SLC15A5: variants seen among roughly 807,000 people sequenced by gnomAD.
SLC15A5 encodes the protein Peptide/histidine transporter ENSP00000340402.
In SLC15A5, 58 loss-of-function variants were observed where a neutral mutation model predicts 56.1. The observed-to-expected ratio is 1.03, with a 90% CI of 0.84 to 1.29. SLC15A5 has a LOEUF of 1.29. Ranked by LOEUF, SLC15A5 falls within the 50% of genes most tolerant of loss-of-function variation. The pLI, the probability that SLC15A5 is intolerant of heterozygous loss-of-function variation, is 0.00. For synonymous variants in SLC15A5, 264 were observed against 250.5 expected (o/e 1.05, Z -0.51); for missense variants, 681 against 672.1 (o/e 1.01, Z -0.15).
intron 6 of SLC15A5, among the ~76,000 whole-genome samples, chr12:16,223,847 G>T (rs1864212626): frequency 6.6e-6 from 1 of 151,640 alleles, no homozygotes; most frequent in African/African-American, 2.4e-5. Context: ...TCCTTGAGTA[G>T]CTGGGACTAC....
chr12:16,239,946 C>T, intron 4 of SLC15A5, 79 bp from the exon 5 acceptor site: 2 of 1,276,926 alleles, frequency 1.6e-6, no homozygotes, highest in South Asian at 1.5e-5. Context: ...AGAGGCCTAC[C>T]CTCTTGCACG....
chr12:16,226,021 C>G (rs1864237871), intron 5 of SLC15A5, among the ~76,000 whole-genome samples: 1 of 152,142 alleles, frequency 6.6e-6, no homozygotes, highest in African/African-American at 2.4e-5. Flanking sequence ...ATAACGCTTA[C>G]TTTATAGGGT....
chr12:16,215,840 A>G (rs1453851781), intron 7 of SLC15A5, among the ~76,000 whole-genome samples: 1 of 152,068 alleles, frequency 6.6e-6, no homozygotes, highest in Non-Finnish European at 1.5e-5. Flanking sequence ...TTTCACTTTT[A>G]ATTTCATTGC....
chr12:16,273,002 T>C (rs1366318277), intron 1 of SLC15A5, among the ~76,000 whole-genome samples: 2 of 152,122 alleles, frequency 1.3e-5, no homozygotes, highest in Non-Finnish European at 2.9e-5. Context: ...TTTAGGTTTT[T>C]TTTTTTCTCC....
At chr12:16,239,552 A>G (rs1047896334) in intron 5 of SLC15A5, 129 bp downstream of exon 5, 4 of 912,530 alleles carry the variant, frequency 4.4e-6, no homozygotes, top group South Asian at 1.9e-5. Flanking sequence ...ATCAGTCACA[A>G]ATTCACCTGT....
At chr12:16,246,782 G>A (rs555441260) in intron 3 of SLC15A5, among the ~76,000 whole-genome samples, 37 of 152,048 alleles carry the variant, frequency 2.4e-4, no homozygotes, top group African/African-American at 8.7e-4. Context: ...AGATAAACTT[G>A]GATCTGCTTC....
rs913339216 is a variant in SLC15A5, at chr12:16,246,242, G to C, written c.755-1442C>G. 9.2e-5 allele frequency among the ~76,000 whole-genome samples: 14 copies of C among 152,270 alleles called. 1 individual carries two copies. The highest frequency in any genetic ancestry group is 2.1e-4 in the South Asian group (1 of 4,826). ...TTGCCTGAAGTAGATGAAGGCCCAG[G>C]TACTGGTAAGGCCAAGAAGACAGAA... On this transcript the variant is annotated intron_variant, in intron 3 of 8. Transcript: ENST00000344941.
intron 7 of SLC15A5, among the ~76,000 whole-genome samples, chr12:16,213,594 A>G (rs1864103514): frequency 1.3e-5 from 2 of 152,314 alleles, no homozygotes; most frequent in Admixed American, 6.5e-5. Flanking sequence ...TTTTGGTACT[A>G]TGTTAGACTA....
chr12:16,245,289 T>C (rs1193232680), intron 3 of SLC15A5, among the ~76,000 whole-genome samples: 1 of 152,202 alleles, frequency 6.6e-6, no homozygotes, highest in African/African-American at 2.4e-5. Context: ...ATCTCTGCTT[T>C]GACTTTATCC....
intron 5 of SLC15A5, among the ~76,000 whole-genome samples, chr12:16,231,625 G>C (rs915502259): frequency 2.0e-5 from 3 of 152,188 alleles, no homozygotes; most frequent in Non-Finnish European, 4.4e-5. Flanking sequence ...AAATTGTCAA[G>C]TCTCCAATTC....
intron 7 of SLC15A5, among the ~76,000 whole-genome samples, chr12:16,197,816 T>G (rs892923116): frequency 6.6e-6 from 1 of 152,080 alleles, no homozygotes; most frequent in Non-Finnish European, 1.5e-5. Flanking sequence ...CATTGTCAGT[T>G]GACTCCGCTC....
At chr12:16,277,270 AC>A in intron 1 of SLC15A5, 54 bp downstream of exon 1, 1 of 1,427,894 alleles carries the variant, frequency 7.0e-7, no homozygotes, top group Non-Finnish European at 9.2e-7. Flanking sequence ...AAAAATTCTA[AC>A]AAAAATCTAC....
At chr12:16,198,780 T>C (rs375616810) in intron 7 of SLC15A5, among the ~76,000 whole-genome samples, 4 of 152,126 alleles carry the variant, frequency 2.6e-5, no homozygotes, top group African/African-American at 9.7e-5. Context: ...GAGAAACATA[T>C]ATCGTGATAC....
In SLC15A5 at chr12:16,269,850, G is replaced by A. The variant is rs1261823384; in HGVS notation, c.584+2711C>T. Among the ~76,000 whole-genome samples the A allele has an allele frequency of 8.5e-5, 13 of 152,174 alleles. No individual in the cohort carries two copies. The highest frequency in any genetic ancestry group is 8.8e-5 in the Non-Finnish European group (6 of 68,026). The stretch of plus-strand genomic sequence containing the variant: ...GCAGAAGCAAGATTTGAGGTTAATT[G>A]TGGTAGAATTTAAAATTGTGGCCAG... On this transcript the variant is annotated intron_variant, in intron 2 of 8. Transcript: ENST00000344941. The surrounding 1 kb of genome is among the most constrained non-coding windows in gnomAD (Gnocchi z 4.7).
intron 3 of SLC15A5, among the ~76,000 whole-genome samples, chr12:16,250,198 A>T (rs1034970906): frequency 6.6e-6 from 1 of 152,050 alleles, no homozygotes; most frequent in Non-Finnish European, 1.5e-5. Context: ...GCTCAGCTTA[A>T]CAATAACAAA....
At chr12:16,225,098 G>A (rs1864228204) in intron 5 of SLC15A5, among the ~76,000 whole-genome samples, 1 of 152,160 alleles carries the variant, frequency 6.6e-6, no homozygotes, top group African/African-American at 2.4e-5. Flanking sequence ...TGGTGTATAT[G>A]TGCCACATTT....
chr12:16,222,240 G>T (rs1183371062), intron 6 of SLC15A5, among the ~76,000 whole-genome samples: 2 of 152,100 alleles, frequency 1.3e-5, no homozygotes, highest in Middle Eastern at 3.2e-3. Flanking sequence ...CAGAAATGAG[G>T]AATAATTTTC....
intron 7 of SLC15A5, among the ~76,000 whole-genome samples, chr12:16,215,734 A>G (rs1244246549): frequency 1.3e-5 from 2 of 152,212 alleles, no homozygotes; most frequent in South Asian, 2.1e-4. Flanking sequence ...TTTCTCAGAT[A>G]AGTAAGGAAA....
At chr12:16,238,799 C>T (rs934384259) in intron 5 of SLC15A5, among the ~76,000 whole-genome samples, 17 of 152,076 alleles carry the variant, frequency 1.1e-4, no homozygotes, top group Non-Finnish European at 1.8e-4. Flanking sequence ...TCTGTTTATG[C>T]TCACCAAACA....
Sources: allele counts gnomAD v4.1 joint callset (sites outside exome capture counted in the v4.1 genomes callset), GRCh38; gene constraint gnomAD v4.1.1; non-coding constraint Gnocchi (gnomAD v3.1); transcripts MANE v1.5; gene names NCBI Gene and HGNC (gene_info 2026-07-23, HGNC 2026-07-21).